LCK: variants seen among roughly 807,000 people sequenced by gnomAD.
LCK encodes tyrosine-protein kinase Lck.
In LCK, 14 loss-of-function variants were observed where a neutral mutation model predicts 64.6. The observed-to-expected ratio is 0.22, with a 90% CI of 0.14 to 0.34. The LOEUF is 0.34. Among genes scored for constraint, LCK ranks in the 10% least tolerant of loss-of-function variants. The pLI is 1.00. For missense variants in LCK, 434 were observed against 668.1 expected (o/e 0.65, Z 3.86); for synonymous variants, 277 against 263.6 (o/e 1.05, Z -0.49).
chr1:32,263,465 G>A (rs1290608048), intron 1 of LCK, among the ~76,000 whole-genome samples: 1 of 151,866 alleles, frequency 6.6e-6, no homozygotes, highest in Admixed American at 6.6e-5. Context: ...GACTGGGCAT[G>A]GTGGCCCATG....
At chr1:32,253,850 G>GACACACAC (rs72025731) in intron 1 of LCK, among the ~76,000 whole-genome samples, 15 of 148,658 alleles carry the variant, frequency 1.0e-4, no homozygotes, top group South Asian at 4.3e-4. Flanking sequence ...GCCACACACA[G>GACACACAC]ACACACACAC....
Position 32,276,757 on chromosome 1 carries a change from T to C in LCK, c.935T>C (p.Ile312Thr), listed in dbSNP as rs1640285683. 1 of 1,611,706 alleles carries C rather than the reference T, an allele frequency of 6.2e-7. No individual in the cohort carries two copies. Among genetic ancestry groups the C allele is most frequent in the Non-Finnish European group, 8.5e-7 (1 of 1,178,702 alleles). The change falls in exon 9 of 13, where the codon ATC becomes ACC. Residue 312 changes from isoleucine (I) to threonine (T), a missense_variant. Physicochemically the swap from Ile to Thr is moderately conservative, Grantham distance 89. Around this residue, in one of 2 missense-constraint regions of LCK, gnomAD observed 201 missense variants for 376.9 expected, o/e 0.53. Transcript: ENST00000336890. The surrounding 1 kb of genome is among the most constrained non-coding windows in gnomAD (Gnocchi z 4.6). Reference sequence around the variant, plus strand: ...TACGCTGTGGTCACCCAGGAGCCCATCTACATCATCACTGAATACATGGAG... The same window carrying C: ...TACGCTGTGGTCACCCAGGAGCCCACCTACATCATCACTGAATACATGGAG... ...RLYAVVTQEP[I>T]YIITEYMENG...
chr1:32,265,545 T>C (rs1252658370), intron 1 of LCK, among the ~76,000 whole-genome samples: 1 of 152,218 alleles, frequency 6.6e-6, no homozygotes, highest in African/African-American at 2.4e-5. Context: ...AGAGTTCCTC[T>C]GATCTTAATT....
In LCK at chr1:32,261,049, AT is replaced by A. The variant is rs998990482; in HGVS notation, c.-6+9686del. On this transcript the variant is annotated intron_variant, in intron 1 of 12. Transcript: ENST00000336890. The stretch of plus-strand genomic sequence containing the variant: ...GAGGAGAAAAAATGTTAACTTAAAA[AT>A]TTTTTTTAATTTAATTTAATTAATT... 1.8e-3 allele frequency among the ~76,000 whole-genome samples: 269 copies of A among 151,912 alleles called. 1 individual carries two copies. Among genetic ancestry groups the A allele is most frequent in the African/African-American group, 6.0e-3 (248 of 41,432 alleles).
chr1:32,277,801 T>C (rs1349403166), intron 9 of LCK, among the ~76,000 whole-genome samples: 2 of 152,130 alleles, frequency 1.3e-5, no homozygotes, highest in Non-Finnish European at 2.9e-5. Flanking sequence ...TCTGCCATGG[T>C]TTCCTACTAT....
chr1:32,275,820 T>C lies in LCK; in HGVS notation c.482-94T>C. The stretch of plus-strand genomic sequence containing the variant: ...GGTGGGGGCGCGGGATGACCCGGAG[T>C]TGGGGGTGCTGGGTGAGCCCAAGGT... On this transcript the variant is annotated intron_variant, in intron 6 of 12. Transcript: ENST00000336890. This position sits in a 1 kb window ranked among gnomAD's most constrained non-coding sequence, Gnocchi z 6.9. 2 of 1,470,268 alleles carry C rather than the reference T, an allele frequency of 1.4e-6. No individual in the cohort carries two copies. Among genetic ancestry groups the C allele is most frequent in the Non-Finnish European group, 9.2e-7 (1 of 1,083,728 alleles). 91.1% of individuals were successfully genotyped at this position (1,470,268 alleles called of 1,614,324 possible). A position where few individuals can be genotyped will look rare whatever the true frequency, so the allele number is the denominator to read the frequency against.
chr1:32,272,827 G>T (rs748461073), intron 1 of LCK, among the ~76,000 whole-genome samples: 1 of 145,456 alleles, frequency 6.9e-6, no homozygotes, highest in South Asian at 2.3e-4. Flanking sequence ...TGGGTGTGTG[G>T]GGGTATCTAT....
At chr1:32,283,220 C>T (rs533956412) in intron 12 of LCK, among the ~76,000 whole-genome samples, 10 of 141,862 alleles carry the variant, frequency 7.0e-5, no homozygotes, top group African/African-American at 1.9e-4. Flanking sequence ...ACCTGGGAGG[C>T]GGAGGTTGCA....
rs1038465388 is a variant in LCK, at chr1:32,275,058, G to C, written c.253G>C (p.Gly85Arg). The C allele has an allele frequency of 4.3e-6, 7 of 1,613,654 alleles. No individual in the cohort carries two copies. In the Admixed American group the frequency reaches 5.0e-5, roughly 12 times the overall value. ...CGACGGAGATCTGGGCTTTGAGAAG[G>C]GGGAACAGCTCCGCATCCTGGAGCA... ...SHDGDLGFEKGEQLRILEQSG... is the reference protein window; with the variant it reads ...SHDGDLGFEKREQLRILEQSG... The change falls in exon 4 of 13, where the codon GGG becomes CGG. Residue 85 changes from glycine (G) to arginine (R), a missense_variant. Around this residue, in one of 2 missense-constraint regions of LCK, gnomAD observed 233 missense variants for 291.2 expected, o/e 0.80. Transcript: ENST00000336890. This position sits in a 1 kb window ranked among gnomAD's most constrained non-coding sequence, Gnocchi z 6.9.
At chr1:32,266,663 A>T (rs1458339986) in intron 1 of LCK, among the ~76,000 whole-genome samples, 11 of 4,880 alleles carry the variant, frequency 2.3e-3, no homozygotes, top group African/African-American at 7.4e-3. Context: ...CCCCCTCCTC[A>T]TCCCTCTCCT....
chr1:32,260,275 T>G (rs1263767610), intron 1 of LCK, among the ~76,000 whole-genome samples: 1 of 152,132 alleles, frequency 6.6e-6, no homozygotes, highest in Non-Finnish European at 1.5e-5. Context: ...CCTCCCAAAG[T>G]GTTGGGGTTA....
rs1027048489 is a variant in LCK, at chr1:32,276,918, G to A, written c.964+132G>A. On this transcript the variant is annotated intron_variant, in intron 9 of 12. Transcript: ENST00000336890. This position sits in a 1 kb window ranked among gnomAD's most constrained non-coding sequence, Gnocchi z 4.6. ...GTTTCTTGAGCTTTCCTGCCCCCTG[G>A]AGACTCACCTCCAGCCGGGCGCGGT... 3.6e-5 allele frequency: 35 copies of A among 970,592 alleles called. No individual in the cohort carries two copies. In the South Asian group the frequency reaches 6.8e-4, roughly 19 times the overall value. The allele number at this position is 970,592 out of a possible 1,614,324, so 60.1% of individuals were successfully genotyped here.
Position 32,275,066 on chromosome 1 carries a change from G to C in LCK, c.261G>C (p.Gln87His). Reference protein sequence around the residue: ...DGDLGFEKGEQLRILEQSGEW... With the variant: ...DGDLGFEKGEHLRILEQSGEW... ...ATCTGGGCTTTGAGAAGGGGGAACA[G>C]CTCCGCATCCTGGAGCAGTGAGTCC... The change falls in exon 4 of 13, where the codon CAG becomes CAC. Residue 87 changes from glutamine (Q) to histidine (H), a missense_variant. By Grantham distance (24) the Gln-to-His change is conservative. Around this residue, in one of 2 missense-constraint regions of LCK, gnomAD observed 233 missense variants for 291.2 expected, o/e 0.80. Transcript: ENST00000336890. This position sits in a 1 kb window ranked among gnomAD's most constrained non-coding sequence, Gnocchi z 6.9. The C allele has an allele frequency of 1.2e-6, 2 of 1,612,588 alleles. No homozygotes were observed. Among genetic ancestry groups the C allele is most frequent in the Non-Finnish European group, 1.7e-6 (2 of 1,178,842 alleles).
chr1:32,274,363 G>T lies in LCK; in HGVS notation c.34G>T (p.Asp12Tyr). The T allele has an allele frequency of 6.2e-7, 1 of 1,614,160 alleles. No homozygotes were observed. Among genetic ancestry groups the T allele is most frequent in the South Asian group, 1.1e-5 (1 of 91,072 alleles). The change falls in exon 2 of 13, where the codon GAC (aspartate) becomes TAC (tyrosine). Residue 12 changes from aspartate to tyrosine, a missense_variant. Coordinates refer to ENST00000336890, the MANE Select transcript of LCK (RefSeq NM_005356.5). ...TGGCTGCAGCTCACACCCGGAAGATGACTGGATGGAAAACATCGATGTGTG... is the reference window on the plus strand; with the variant it reads ...TGGCTGCAGCTCACACCCGGAAGATTACTGGATGGAAAACATCGATGTGTG... ...GCGCSSHPED[D>Y]WMENIDVCEN...
Position 32,285,745 on chromosome 1 carries a change from C to T in LCK, c.*29C>T. The T allele has an allele frequency of 6.4e-7, 1 of 1,556,598 alleles. No individual in the cohort carries two copies. The highest frequency in any genetic ancestry group is 8.7e-7 in the Non-Finnish European group (1 of 1,149,558). On this transcript the variant is annotated 3_prime_UTR_variant, in exon 13 of 13. Coordinates refer to ENST00000336890, the MANE Select transcript of LCK (RefSeq NM_005356.5). ...GCCTTGAGAGGCCCTGGGGTTCTCC[C>T]CCTTTCTCTCCAGCCTGACTTGGGG...
intron 1 of LCK, among the ~76,000 whole-genome samples, chr1:32,252,254 C>T (rs939655465): frequency 2.6e-5 from 4 of 152,158 alleles, no homozygotes; most frequent in African/African-American, 9.7e-5. Context: ...AGGATGTCCT[C>T]CCCTCGCCCC....
chr1:32,285,001 AT>A (rs957476126), intron 12 of LCK, among the ~76,000 whole-genome samples: 44 of 151,782 alleles, frequency 2.9e-4, no homozygotes, highest in African/African-American at 1.1e-3. Context: ...TATCTAAAAC[AT>A]TTTTTTTAAG....
intron 3 of LCK, 21 bp downstream of exon 3, chr1:32,274,839 C>T (rs1330555422): frequency 1.2e-6 from 2 of 1,614,004 alleles, no homozygotes; most frequent in Non-Finnish European, 1.7e-6. Context: ...GCAGCAGGGC[C>T]TGAAAGACAA....
intron 1 of LCK, among the ~76,000 whole-genome samples, chr1:32,257,396 TG>T (rs1418607431): frequency 6.6e-6 from 1 of 152,018 alleles, no homozygotes; most frequent in Non-Finnish European, 1.5e-5. Flanking sequence ...ACCACAAGCA[TG>T]GGACACAAAG....
Sources: allele counts gnomAD v4.1 joint callset (sites outside exome capture counted in the v4.1 genomes callset), GRCh38; gene constraint gnomAD v4.1.1; regional missense constraint gnomAD v4.1.1; non-coding constraint Gnocchi (gnomAD v3.1); transcripts MANE v1.5; gene names NCBI Gene and HGNC (gene_info 2026-07-23, HGNC 2026-07-21).